The following CACNA2D2 variants were observed in gnomAD, a reference collection of about 807,000 sequenced individuals.
The protein encoded by CACNA2D2 is voltage-dependent calcium channel subunit alpha-2/delta-2.
Under a neutral mutation model 166.4 loss-of-function variants are expected in CACNA2D2, and 48 were observed. That is an observed-to-expected ratio of 0.29 (90% confidence interval 0.23 to 0.37). The LOEUF is 0.37. CACNA2D2 is among the 10% of genes least tolerant of loss of function. The pLI, the probability that CACNA2D2 is intolerant of heterozygous loss-of-function variation, is 1.00. For missense variants in CACNA2D2, 1,122 were observed against 1,433.0 expected (o/e 0.78, Z 3.50); for synonymous variants, 561 against 573.7 (o/e 0.98, Z 0.32).
At chr3:50,411,536 C>T (rs1338888178) in intron 3 of CACNA2D2, among the ~76,000 whole-genome samples, 1 of 152,200 alleles carries the variant, frequency 6.6e-6, no homozygotes, top group Non-Finnish European at 1.5e-5. Flanking sequence ...GACTGTCCAC[C>T]AGATGCTTTT....
At chr3:50,476,345 A>G in intron 1 of CACNA2D2, 146 bp from the exon 2 acceptor site, 2 of 637,678 alleles carry the variant, frequency 3.1e-6, no homozygotes, top group Non-Finnish European at 5.6e-6. Context: ...GGAACCAGCA[A>G]GCACCTGCGA....
chr3:50,373,704 T>TAGAGGAGATGCAGGGAGA (rs1463540185), intron 22 of CACNA2D2, among the ~76,000 whole-genome samples: 1 of 89,876 alleles, frequency 1.1e-5, no homozygotes. Context: ...AAGAGGGAGA[T>TAGAGGAGATGCAGGGAGA]AGAGGAGATG....
chr3:50,433,909 C>T (rs1665458313), intron 3 of CACNA2D2, among the ~76,000 whole-genome samples: 1 of 152,180 alleles, frequency 6.6e-6, no homozygotes, highest in South Asian at 2.1e-4. Context: ...TCCAAGAGAG[C>T]CTGCAGCCTA....
intron 3 of CACNA2D2, among the ~76,000 whole-genome samples, chr3:50,397,093 C>G: frequency 6.6e-6 from 1 of 152,188 alleles, no homozygotes; most frequent in South Asian, 2.1e-4. Flanking sequence ...ACAGGCCCCT[C>G]TGGCTCCAGA....
At position 50,364,868 on chromosome 3, in the gene CACNA2D2, CCA is replaced by C. The variant is rs765883121; in HGVS notation, c.3291+18_3291+19del. 1.9e-6 allele frequency: 3 copies of C among 1,613,336 alleles called. No individual in the cohort carries two copies. The highest frequency in any genetic ancestry group is 2.5e-6 in the Non-Finnish European group (3 of 1,179,906). ...GGCGCAAGGCCGCGGGATTTCGGGT[CCA>C]CCGCCCCCTCTCCTCACTGTCGCGT... is the stretch of plus-strand genomic sequence containing the variant. On this transcript the variant is annotated intron_variant, in intron 37 of 37. Transcript: ENST00000424201.
In CACNA2D2 at chr3:50,376,290, C is replaced by G. The variant is rs1575598605; in HGVS notation, c.1627-102G>C. Reference sequence around the variant, plus strand: ...TGGCCTCCCACCGCACCGAGAGATTCTGTTTGCCTGCCTTGGGCTAAGGGC... The same window carrying G: ...TGGCCTCCCACCGCACCGAGAGATTGTGTTTGCCTGCCTTGGGCTAAGGGC... On this transcript the variant is annotated intron_variant, in intron 17 of 37. Transcript: ENST00000424201. The surrounding 1 kb of genome is among the most constrained non-coding windows in gnomAD (Gnocchi z 4.3). 8.1e-7 allele frequency: 1 copy of G among 1,233,036 alleles called. No homozygotes were observed. Among genetic ancestry groups the G allele is most frequent in the Non-Finnish European group, 1.1e-6 (1 of 871,456 alleles). The allele number at this position is 1,233,036 out of a possible 1,614,324, so 76.4% of individuals were successfully genotyped here.
intron 2 of CACNA2D2, among the ~76,000 whole-genome samples, chr3:50,463,305 C>CTTT: frequency 6.9e-6 from 1 of 145,880 alleles, no homozygotes; most frequent in Non-Finnish European, 1.5e-5. Context: ...CCAAATTTCT[C>CTTT]TTTTTTTTTT....
chr3:50,460,351 G>A (rs958192940), intron 2 of CACNA2D2, among the ~76,000 whole-genome samples: 5 of 152,156 alleles, frequency 3.3e-5, no homozygotes, highest in African/African-American at 1.2e-4. Flanking sequence ...ATAACTTAAA[G>A]GAAACTGGAC....
At chr3:50,445,431 G>A (rs374328371) in intron 2 of CACNA2D2, among the ~76,000 whole-genome samples, 43 of 152,170 alleles carry the variant, frequency 2.8e-4, no homozygotes, top group African/African-American at 1.0e-3. Context: ...ACCATGCCTG[G>A]GCCATCTCAT....
intron 3 of CACNA2D2, among the ~76,000 whole-genome samples, chr3:50,402,702 C>T (rs1706503492): frequency 6.6e-6 from 1 of 152,212 alleles, no homozygotes; most frequent in Admixed American, 6.5e-5. Flanking sequence ...TAGCTGGCAC[C>T]CCAGCATGAA....
At chr3:50,368,073 T>A (rs587623453) in intron 24 of CACNA2D2, 65 bp downstream of exon 24, 1 of 1,311,544 alleles carries the variant, frequency 7.6e-7, no homozygotes, top group East Asian at 2.3e-5. Context: ...GCCTCTGGGT[T>A]CCTCTGGGCT....
In CACNA2D2 at chr3:50,367,301, A is replaced by G; in HGVS notation, c.2401+93T>C. 8.2e-7 allele frequency: 1 copy of G among 1,220,838 alleles called. No individual in the cohort carries two copies. Among genetic ancestry groups the G allele is most frequent in the South Asian group, 1.3e-5 (1 of 79,954 alleles). 75.6% of individuals were successfully genotyped at this position (1,220,838 alleles called of 1,614,324 possible). On this transcript the variant is annotated intron_variant, in intron 27 of 37. Transcript: ENST00000424201. This position sits in a 1 kb window ranked among gnomAD's most constrained non-coding sequence, Gnocchi z 6.5. ...GGCCTCAGCCAGCCTTGTGTTGGAG[A>G]GGGGCCTCAGACAGCAGAGCCCAGT...
chr3:50,380,901 G>C lies in CACNA2D2; in HGVS notation c.784+94C>G. 1 of 1,561,496 alleles carries C rather than the reference G, an allele frequency of 6.4e-7. No individual in the cohort carries two copies. The highest frequency in any genetic ancestry group is 1.8e-5 in the Admixed American group (1 of 55,094). ...CGACTGGGCTGCCACAGACTACAGA[G>C]AAGCCACCCCGCCCCATGCCCCCAG... On this transcript the variant is annotated intron_variant, in intron 7 of 37. Transcript: ENST00000424201. This position sits in a 1 kb window ranked among gnomAD's most constrained non-coding sequence, Gnocchi z 4.9.
intron 3 of CACNA2D2, among the ~76,000 whole-genome samples, chr3:50,431,014 C>A (rs888018195): frequency 2.0e-5 from 3 of 152,140 alleles, no homozygotes; most frequent in Non-Finnish European, 4.4e-5. Context: ...TCTGATTGTC[C>A]CTGATTAGAT....
At chr3:50,440,755 C>T (rs1040705438) in intron 2 of CACNA2D2, among the ~76,000 whole-genome samples, 1 of 152,020 alleles carries the variant, frequency 6.6e-6, no homozygotes, top group Non-Finnish European at 1.5e-5. Context: ...ATGGAACAGA[C>T]CTCGTCCCTG....
Position 50,368,256 on chromosome 3 carries a change from G to A in CACNA2D2, c.2046-21C>T, listed in dbSNP as rs748838505. 113 of 1,494,256 alleles carry A rather than the reference G, an allele frequency of 7.6e-5. 1 individual carries two copies. The Middle Eastern group carries it at 1.4e-3, about 18-fold the overall frequency. 92.6% of individuals were successfully genotyped at this position (1,494,256 alleles called of 1,614,324 possible). ...ACTCTCTAGGGATGGGGAGGGGCAA[G>A]AAGAGTGGGCTTGGGGGGCTGGACA... On this transcript the variant is annotated intron_variant, in intron 23 of 37. Coordinates refer to ENST00000424201, the MANE Select transcript of CACNA2D2 (RefSeq NM_006030.4).
rs867581167 is a variant in CACNA2D2, at chr3:50,503,608, C to G, written c.-185G>C. 4.9e-5 allele frequency: 8 copies of G among 164,346 alleles called. No homozygotes were observed. The highest frequency in any genetic ancestry group is 9.1e-5 in the Non-Finnish European group (7 of 76,646). The allele number at this position is 164,346 out of a possible 1,614,324, so 10.2% of individuals were successfully genotyped here. On this transcript the variant is annotated 5_prime_UTR_variant, in exon 1 of 38. Transcript: ENST00000424201. ...CTCTGCGGGCTGCGCGCTGCTATCT[C>G]CCTGCAGCGCTGGCTCCAAGCGCTC...
At chr3:50,477,504 G>A (rs1388192044) in intron 1 of CACNA2D2, among the ~76,000 whole-genome samples, 1 of 152,182 alleles carries the variant, frequency 6.6e-6, no homozygotes, top group Non-Finnish European at 1.5e-5. Context: ...AGCCAGATCA[G>A]GCGAGCAAAA....
At chr3:50,473,402 G>T (rs899814184) in intron 2 of CACNA2D2, among the ~76,000 whole-genome samples, 1 of 152,234 alleles carries the variant, frequency 6.6e-6, no homozygotes, top group African/African-American at 2.4e-5. Context: ...GAGGCACGCA[G>T]GCTGGGCAGC....
Sources: gnomAD v4.1 joint callset for allele counts (sites outside exome capture counted in the v4.1 genomes callset) on GRCh38, gnomAD v4.1.1 for gene constraint, Gnocchi (gnomAD v3.1) non-coding constraint, MANE v1.5 for transcripts, NCBI Gene and HGNC (gene_info 2026-07-23, HGNC 2026-07-21) for gene names.